TMEM179: variants seen among roughly 807,000 people sequenced by gnomAD.
TMEM179 encodes the protein transmembrane protein 179A.
Under a neutral mutation model 22.2 loss-of-function variants are expected in TMEM179, and 17 were observed. That is an observed-to-expected ratio of 0.77 (90% CI 0.52 to 1.15). TMEM179 has a LOEUF of 1.15. Ranked by LOEUF, TMEM179 falls within the 50% of genes most tolerant of loss-of-function variation. The probability of loss-of-function intolerance (pLI) is 0.00; values close to 1 mark genes in which losing one functional copy is unlikely to be tolerated. For missense variants in TMEM179, 265 were observed against 313.6 expected (o/e 0.84, Z 1.17); for synonymous variants, 127 against 140.5 (o/e 0.90, Z 0.68).
At chr14:104,599,078 G>A (rs1174933463) in intron 1 of TMEM179, among the ~76,000 whole-genome samples, 3 of 152,292 alleles carry the variant, frequency 2.0e-5, no homozygotes, top group Admixed American at 6.5e-5. Flanking sequence ...GCAAAAGTTC[G>A]CCAGGATGGG....
At chr14:104,593,915 A>G (rs1263526038) in intron 3 of TMEM179, among the ~76,000 whole-genome samples, 1 of 152,208 alleles carries the variant, frequency 6.6e-6, no homozygotes, top group Admixed American at 6.5e-5. Context: ...AGCCCTGGGC[A>G]CTCAGACCAA....
At chr14:104,596,639 G>A (rs1274169094) in intron 2 of TMEM179, among the ~76,000 whole-genome samples, 5 of 152,146 alleles carry the variant, frequency 3.3e-5, no homozygotes, top group South Asian at 2.1e-4. Flanking sequence ...CCCAGGACCC[G>A]GGGCCATGCT....
chr14:104,593,823 AGATCAAGCTTCT>A (rs1886923375), intron 3 of TMEM179, among the ~76,000 whole-genome samples, 165 bp from the exon 4 acceptor site: 1 of 152,256 alleles, frequency 6.6e-6, no homozygotes, highest in East Asian at 1.9e-4. Context: ...ACCCTGCCCA[AGATCAAGCTTCT>A]GAGTTCCTTC....
At chr14:104,600,452 A>C (rs1306792976) in intron 1 of TMEM179, among the ~76,000 whole-genome samples, 1 of 152,182 alleles carries the variant, frequency 6.6e-6, no homozygotes, top group East Asian at 1.9e-4. Flanking sequence ...GCCAACCACA[A>C]ACTGCTGCCA....
At position 104,595,048 on chromosome 14, in the gene TMEM179, C is replaced by T. The variant is rs761681772; in HGVS notation, c.522+117G>A. ...ACTGCCTGGTCCCATTGCTAACTAC[C>T]TTATCCACACAGGAGCCTGCCTCCT... On this transcript the variant is annotated intron_variant, in intron 3 of 3. Coordinates refer to ENST00000556573, the MANE Select transcript of TMEM179 (RefSeq NM_001286389.2). This position sits in a 1 kb window ranked among gnomAD's most constrained non-coding sequence, Gnocchi z 5.7. 6.4e-6 allele frequency: 10 copies of T among 1,562,678 alleles called. No individual in the cohort carries two copies. The Admixed American group carries it at 1.4e-4, about 23-fold the overall frequency.
rs1385753488 is a variant in TMEM179 at position 104,604,135 on chromosome 14, G to A, written c.305+302C>T. The stretch of plus-strand genomic sequence containing the variant: ...AGCCCGCCCAGGAAGGTCCAGGCCT[G>A]CTGGGTGATGACAGTGCAACATCTG... On this transcript the variant is annotated intron_variant, in intron 1 of 3. Transcript: ENST00000556573. The surrounding 1 kb of genome is among the most constrained non-coding windows in gnomAD (Gnocchi z 4.6). Among the ~76,000 whole-genome samples the A allele has an allele frequency of 6.6e-6, 1 of 152,246 alleles. No individual in the cohort carries two copies. The highest frequency in any genetic ancestry group is 1.5e-5 in the Non-Finnish European group (1 of 68,042).
Position 104,597,456 on chromosome 14 carries a change from A to T in TMEM179, c.306-329T>A, listed in dbSNP as rs1426677428. 6.6e-6 allele frequency among the ~76,000 whole-genome samples: 1 copy of T among 151,746 alleles called. No individual in the cohort carries two copies. The highest frequency in any genetic ancestry group is 1.5e-5 in the Non-Finnish European group (1 of 67,890). Reference sequence around the variant, plus strand: ...TGCACCCAGGGTGGAAGTGAATGACACCCTTCCAAAGCCGTCCAGCCACAG... The same window carrying T: ...TGCACCCAGGGTGGAAGTGAATGACTCCCTTCCAAAGCCGTCCAGCCACAG... On this transcript the variant is annotated intron_variant, in intron 1 of 3. Coordinates refer to ENST00000556573, the MANE Select transcript of TMEM179 (RefSeq NM_001286389.2). This position sits in a 1 kb window ranked among gnomAD's most constrained non-coding sequence, Gnocchi z 4.8.
Position 104,592,998 on chromosome 14 carries a change from G to A in TMEM179, c.*481C>T, listed in dbSNP as rs1259477154. 1 of 164,018 alleles carries A rather than the reference G, an allele frequency of 6.1e-6. No homozygotes were observed. Among genetic ancestry groups the A allele is most frequent in the Non-Finnish European group, 1.3e-5 (1 of 75,318 alleles). 10.2% of individuals were successfully genotyped at this position (164,018 alleles called of 1,614,324 possible). A position where few individuals can be genotyped will look rare whatever the true frequency, so the allele number is the denominator to read the frequency against. ...GGGAGGGGGCCAACCTGGGGCCAGA[G>A]GCTGGAAGGTGCCGTGAGCTCCTCC... is the stretch of plus-strand genomic sequence containing the variant. On this transcript the variant is annotated 3_prime_UTR_variant, in exon 4 of 4. Coordinates refer to ENST00000556573, the MANE Select transcript of TMEM179 (RefSeq NM_001286389.2).
Position 104,591,093 on chromosome 14 carries a change from A to G in TMEM179, c.*2386T>C. 3.3e-6 allele frequency: 1 copy of G among 300,758 alleles called. No individual in the cohort carries two copies. The highest frequency in any genetic ancestry group is 6.5e-6 in the Non-Finnish European group (1 of 154,268). The allele number at this position is 300,758 out of a possible 1,614,324, so 18.6% of individuals were successfully genotyped here. On this transcript the variant is annotated 3_prime_UTR_variant, in exon 4 of 4. Transcript: ENST00000556573. ...AGGGCCGCCAGCCCCTGCCCAGCAC[A>G]CTGCAGGCCCAGCTGCCCCTTCCCA... is the stretch of plus-strand genomic sequence containing the variant.
chr14:104,604,440 T>C lies in TMEM179; in HGVS notation c.302A>G (p.Glu101Gly), dbSNP rs772976487. ...RTLFFLCKGH[E>G]GSFFSAFLNL... ...GCCGGGAGCGGCCCCCACTTACCCC[T>C]CGTGTCCCTTGCAGAGGAAGAAGAG... The change falls in exon 1 of 4, where the codon GAG becomes GGG. Residue 101 changes from glutamate to glycine, a missense_variant. Physicochemically the swap from Glu to Gly is moderately conservative, Grantham distance 98. Coordinates refer to ENST00000556573, the MANE Select transcript of TMEM179 (RefSeq NM_001286389.2). This position sits in a 1 kb window ranked among gnomAD's most constrained non-coding sequence, Gnocchi z 4.6. 23 of 1,570,144 alleles carry C rather than the reference T, an allele frequency of 1.5e-5. No individual in the cohort carries two copies. The highest frequency in any genetic ancestry group is 1.9e-5 in the Non-Finnish European group (22 of 1,164,522).
Position 104,591,876 on chromosome 14 carries a change from G to T in TMEM179, c.*1603C>A. The stretch of plus-strand genomic sequence containing the variant: ...AGCCCCTCATCGAGCCCCGGGTGGG[G>T]AGGCCCCCCGCCTCCGCCCCCGCCC... On this transcript the variant is annotated 3_prime_UTR_variant, in exon 4 of 4. Transcript: ENST00000556573. 5.7e-6 allele frequency: 1 copy of T among 174,858 alleles called. No homozygotes were observed. The highest frequency in any genetic ancestry group is 1.2e-5 in the Non-Finnish European group (1 of 81,618). 10.8% of individuals were successfully genotyped at this position (174,858 alleles called of 1,614,324 possible).
chr14:104,594,076 G>A lies in TMEM179; in HGVS notation c.523-418C>T, dbSNP rs1044480192. The A allele has an allele frequency of 4.7e-5, 58 of 1,232,586 alleles. 1 individual carries two copies. The highest frequency in any genetic ancestry group is 1.7e-4 in the South Asian group (4 of 23,694). 76.4% of individuals were successfully genotyped at this position (1,232,586 alleles called of 1,614,324 possible). The stretch of plus-strand genomic sequence containing the variant: ...CACCGGAATAAATTGACCTTTAGCC[G>A]CTGTTTCCAAACAGTTGAAGGAGAA... On this transcript the variant is annotated intron_variant, in intron 3 of 3. Transcript: ENST00000556573.
chr14:104,598,427 T>C (rs1298216961), intron 1 of TMEM179, among the ~76,000 whole-genome samples: 3 of 152,218 alleles, frequency 2.0e-5, no homozygotes, highest in Admixed American at 1.3e-4. Flanking sequence ...GATCATTTAA[T>C]AAACAAGGTC....
chr14:104,596,844 C>T, intron 2 of TMEM179, 146 bp downstream of exon 2: 2 of 1,076,100 alleles, frequency 1.9e-6, no homozygotes, highest in East Asian at 2.5e-5. Context: ...CACAGGTATG[C>T]ACAGGCAGGG....
chr14:104,594,696 G>C, intron 3 of TMEM179: 2 of 1,181,494 alleles, frequency 1.7e-6, no homozygotes, highest in Non-Finnish European at 2.1e-6. Flanking sequence ...GAATTCACAA[G>C]TGGGATCCCC....
At position 104,604,730 on chromosome 14, in the gene TMEM179, G is replaced by C; in HGVS notation, c.12C>G (p.Asn4Lys). The change falls in exon 1 of 4, where the codon AAC (asparagine) becomes AAG (lysine). Residue 4 changes from asparagine (N) to lysine (K), a missense_variant. By Grantham distance (94) the Asn-to-Lys change is moderately conservative. Coordinates refer to ENST00000556573, the MANE Select transcript of TMEM179 (RefSeq NM_001286389.2). The surrounding 1 kb of genome is among the most constrained non-coding windows in gnomAD (Gnocchi z 4.6). ...AGGCGCACTGAGCGAAAAGGAAATT[G>C]TTGAGCGCCATGGCCGGCCCGGGCG... Reference protein sequence around the residue: MALNNFLFAQCACY... With the variant: MALKNFLFAQCACY... 1 of 1,571,398 alleles carries C rather than the reference G, an allele frequency of 6.4e-7. No homozygotes were observed. The highest frequency in any genetic ancestry group is 8.6e-7 in the Non-Finnish European group (1 of 1,162,156).
At chr14:104,603,532 G>C (rs1196758062) in intron 1 of TMEM179, among the ~76,000 whole-genome samples, 3 of 147,188 alleles carry the variant, frequency 2.0e-5, no homozygotes, top group Non-Finnish European at 4.5e-5. Context: ...TTCACAGAGG[G>C]AGTGGGTGGG....
In TMEM179 at chr14:104,604,579, G is replaced by T; in HGVS notation, c.163C>A (p.Gln55Lys). ...TGCACCGTGAAGCGCTCGCGCTCCT[G>T]CACCGTGAGGTTGGCGCTCAGCCAC... ...GMWLSANLTV[Q>K]ERERFTVQEW... Residue 55 changes from glutamine to lysine, a missense_variant, in exon 1 of 4, where the codon CAG becomes AAG. Coordinates refer to ENST00000556573, the MANE Select transcript of TMEM179 (RefSeq NM_001286389.2). The surrounding 1 kb of genome is among the most constrained non-coding windows in gnomAD (Gnocchi z 4.6). The T allele has an allele frequency of 6.5e-7, 1 of 1,542,618 alleles. No homozygotes were observed. Among genetic ancestry groups the T allele is most frequent in the South Asian group, 1.2e-5 (1 of 82,386 alleles).
chr14:104,602,625 C>T lies in TMEM179; in HGVS notation c.305+1812G>A, dbSNP rs562959032. Among the ~76,000 whole-genome samples, 6 of 152,332 alleles carry T rather than the reference C, an allele frequency of 3.9e-5. No individual in the cohort carries two copies. The South Asian group carries it at 8.3e-4, about 21-fold the overall frequency. On this transcript the variant is annotated intron_variant, in intron 1 of 3. Transcript: ENST00000556573. ...GGTTTGGCAACATGGGTGCAGATGACGTCTCAAGCCTCTTCTTGGGACACC... is the reference window on the plus strand; with the variant it reads ...GGTTTGGCAACATGGGTGCAGATGATGTCTCAAGCCTCTTCTTGGGACACC...
Sources: allele counts gnomAD v4.1 joint callset (sites outside exome capture counted in the v4.1 genomes callset), GRCh38; gene constraint gnomAD v4.1.1; non-coding constraint Gnocchi (gnomAD v3.1); transcripts MANE v1.5; gene names NCBI Gene and HGNC (gene_info 2026-07-23, HGNC 2026-07-21).